Variants in SDE2 observed in about 807,000 individuals in gnomAD.
SDE2 encodes the protein splicing regulator SDE2.
In SDE2, 31 loss-of-function variants were observed where a neutral mutation model predicts 46.9. The ratio of observed to expected loss-of-function variants is 0.66; its 90% confidence interval spans 0.50 to 0.89. The LOEUF (loss-of-function observed/expected upper bound fraction) is 0.89. Among genes scored for constraint, SDE2 ranks in the 40% least tolerant of loss-of-function variants. The pLI, the probability that SDE2 is intolerant of heterozygous loss-of-function variation, is 0.00. For missense variants in SDE2, 542 were observed against 564.4 expected, an observed-to-expected ratio of 0.96 and a Z score of 0.40; for synonymous variants, 205 against 204.3, an observed-to-expected ratio of 1.00 and a Z score of -0.03.
rs1240712517 is a variant in SDE2, at chr1:225,988,122, T to C, written c.908A>G (p.Glu303Gly). 5.0e-6 allele frequency: 8 copies of C among 1,614,146 alleles called. No homozygotes were observed. Among genetic ancestry groups the C allele is most frequent in the Non-Finnish European group, 6.8e-6 (8 of 1,180,016 alleles). Reference sequence around the variant, plus strand: ...CCTGCTTTCCATGTGCTCTTTGGACTCCCCCAGCTCAGCACATGAGTCTTC... The same window carrying C: ...CCTGCTTTCCATGTGCTCTTTGGACCCCCCCAGCTCAGCACATGAGTCTTC... ...ILEDSCAELGESKEHMESRMV... is the reference protein window; with the variant it reads ...ILEDSCAELGGSKEHMESRMV... The change falls in exon 6 of 7, where the codon GAG (glutamate) becomes GGG (glycine). Residue 303 changes from glutamate (E) to glycine (G), a missense_variant. By Grantham distance (98) the Glu-to-Gly change is moderately conservative (BLOSUM62 -2). Around this residue, in one of 3 missense-constraint regions of SDE2, gnomAD observed 401 missense variants for 437.8 expected, o/e 0.92. Coordinates refer to ENST00000272091, the MANE Select transcript of SDE2 (RefSeq NM_152608.4).
intron 1 of SDE2, among the ~76,000 whole-genome samples, chr1:225,996,565 C>T (rs1656531779): frequency 6.6e-6 from 1 of 152,130 alleles, no homozygotes; most frequent in African/African-American, 2.4e-5. Flanking sequence ...CTGCTTTTAA[C>T]CATTTGTGCA....
chr1:225,992,602 G>A, intron 3 of SDE2, 35 bp from the exon 4 acceptor site: 4 of 1,351,232 alleles, frequency 3.0e-6, no homozygotes, highest in Non-Finnish European at 4.2e-6. Context: ...TAACTGAATA[G>A]ATATATTACA....
Position 225,984,619 on chromosome 1 carries a change from G to GCTA in SDE2, c.*680_*682dup, listed in dbSNP as rs1436508708. The GCTA allele has an allele frequency of 6.6e-6, 1 of 152,182 alleles. No homozygotes were observed. The highest frequency in any genetic ancestry group is 1.5e-5 in the Non-Finnish European group (1 of 68,098). 9.4% of individuals were successfully genotyped at this position (152,182 alleles called of 1,614,324 possible). On this transcript the variant is annotated 3_prime_UTR_variant, in exon 7 of 7. Transcript: ENST00000272091. ...AGGTAAAGAGATCGAGACCATCCTG[G>GCTA]CTAACACAGTGAAACCCAGTCTCCA...
intron 2 of SDE2, among the ~76,000 whole-genome samples, chr1:225,994,895 T>C (rs1656487813): frequency 6.6e-6 from 1 of 152,014 alleles, no homozygotes; most frequent in South Asian, 2.1e-4. Flanking sequence ...AATACAAAAA[T>C]TAGCTGCGCA....
At chr1:225,991,812 C>T (rs1036844118) in intron 4 of SDE2, among the ~76,000 whole-genome samples, 7 of 152,230 alleles carry the variant, frequency 4.6e-5, no homozygotes, top group African/African-American at 1.7e-4. Flanking sequence ...AAACTGGCAG[C>T]AAATTCTTTG....
At chr1:225,989,900 C>G (rs746661782) in intron 5 of SDE2, among the ~76,000 whole-genome samples, 4 of 151,734 alleles carry the variant, frequency 2.6e-5, no homozygotes, top group Non-Finnish European at 4.4e-5. Flanking sequence ...ATGGCAAAAC[C>G]CTGTCTTCAC....
intron 5 of SDE2, among the ~76,000 whole-genome samples, chr1:225,990,425 T>C (rs888135820): frequency 1.3e-5 from 2 of 152,160 alleles, no homozygotes; most frequent in African/African-American, 4.8e-5. Flanking sequence ...GTGGGAACTA[T>C]TTCAGGTCAT....
intron 6 of SDE2, 100 bp from the exon 7 acceptor site, chr1:225,985,623 T>A (rs1034041272): frequency 7.0e-6 from 5 of 718,412 alleles, no homozygotes; most frequent in African/African-American, 1.8e-5. Flanking sequence ...TTCATTTAAT[T>A]TGCCATACCT....
Position 225,988,005 on chromosome 1 carries a change from T to C in SDE2, c.1025A>G (p.Asp342Gly), listed in dbSNP as rs1359176610. Residue 342 changes from aspartate to glycine, a missense_variant, in exon 6 of 7, where the codon GAT becomes GGT. This residue lies in a region of SDE2 where 401 missense variants were observed against 437.8 expected (regional missense o/e 0.92). Transcript: ENST00000272091. ...EEPTGAGLNK[D>G]KETEERTDGE... The stretch of plus-strand genomic sequence containing the variant: ...ATCAGTCCTTTCTTCTGTCTCTTTA[T>C]CCTTATTCAGTCCAGCCCCAGTGGG... 1.2e-6 allele frequency: 2 copies of C among 1,614,244 alleles called. No homozygotes were observed. Among genetic ancestry groups the C allele is most frequent in the South Asian group, 1.1e-5 (1 of 91,088 alleles).
Position 225,988,039 on chromosome 1 carries a change from C to T in SDE2, c.991G>A (p.Glu331Lys). ...AGTCCAGCCCCAGTGGGCTCCTCTT[C>T]TATGGGTTCTTTACTCTCTGCCTTC... ...EKKAESKEPI[E>K]EEPTGAGLNK... Residue 331 changes from glutamate (E) to lysine (K), a missense_variant, in exon 6 of 7, where the codon GAA becomes AAA. Glu to Lys is a moderately conservative substitution (Grantham distance 56, BLOSUM62 1). Around this residue, in one of 3 missense-constraint regions of SDE2, gnomAD observed 401 missense variants for 437.8 expected, o/e 0.92. Coordinates refer to ENST00000272091, the MANE Select transcript of SDE2 (RefSeq NM_152608.4). The T allele has an allele frequency of 6.2e-7, 1 of 1,614,230 alleles. No individual in the cohort carries two copies. The highest frequency in any genetic ancestry group is 8.5e-7 in the Non-Finnish European group (1 of 1,180,038).
In SDE2 at chr1:225,992,970, G is replaced by A; in HGVS notation, c.271C>T (p.Gln91Ter). 5 of 1,612,098 alleles carry A rather than the reference G, an allele frequency of 3.1e-6. No homozygotes were observed. Among genetic ancestry groups the A allele is most frequent in the Non-Finnish European group, 3.4e-6 (4 of 1,178,282 alleles). The change falls in exon 3 of 7, where the codon CAG becomes TAG. Residue 91 changes from glutamine to a stop codon, truncating the protein, a stop_gained. Transcript: ENST00000272091. LOFTEE classifies it high-confidence loss of function. ...FGSMLRALGA[Q>*]IEKTTNREAC... ...TCTCGATTGGTTGTCTTCTCAATCT[G>A]AGCACCAAGTGCTCGGAGCATAGAT...
At chr1:225,991,210 A>C in intron 5 of SDE2, 33 bp downstream of exon 5, 1 of 1,604,206 alleles carries the variant, frequency 6.2e-7, no homozygotes, top group Non-Finnish European at 8.5e-7. Context: ...TCAGTCCTCA[A>C]AGATCAATTG....
chr1:225,985,205 G>C lies in SDE2; in HGVS notation c.*97C>G, dbSNP rs971605313. ...TTAGAATTGGGTTACTAAAAAGTTA[G>C]CTTTTAATATCAACAGGAATACTGG... On this transcript the variant is annotated 3_prime_UTR_variant, in exon 7 of 7. Coordinates refer to ENST00000272091, the MANE Select transcript of SDE2 (RefSeq NM_152608.4). 1.1e-6 allele frequency: 1 copy of C among 921,120 alleles called. No individual in the cohort carries two copies. The highest frequency in any genetic ancestry group is 1.7e-6 in the Non-Finnish European group (1 of 583,466). 57.1% of individuals were successfully genotyped at this position (921,120 alleles called of 1,614,324 possible).
intron 1 of SDE2, among the ~76,000 whole-genome samples, chr1:225,998,317 C>T (rs968249260): frequency 1.3e-5 from 2 of 152,162 alleles, no homozygotes; most frequent in African/African-American, 4.8e-5. Context: ...TGCTTCTTCA[C>T]GGAATCGATC....
chr1:225,988,259 C>T lies in SDE2; in HGVS notation c.771G>A (p.Glu257=), dbSNP rs548950762. The part of the protein sequence containing the change: ...HAPKIGSNGV[E]MAAKFPSGSQ... ...AACCACTGGGAAATTTGGCTGCCAT[C>T]TCGACACCATTGCTACCAATTTTTG... The change falls in exon 6 of 7, where the codon GAG becomes GAA. Residue 257 remains glutamate (E), a synonymous_variant. Transcript: ENST00000272091. 2 of 1,614,208 alleles carry T rather than the reference C, an allele frequency of 1.2e-6. No individual in the cohort carries two copies. The highest frequency in any genetic ancestry group is 2.7e-5 in the African/African-American group (2 of 75,048).
intron 5 of SDE2, among the ~76,000 whole-genome samples, chr1:225,990,054 AAC>A (rs1656363672): frequency 6.6e-6 from 1 of 151,734 alleles, no homozygotes; most frequent in Non-Finnish European, 1.5e-5. Context: ...CAACCTCAGC[AAC>A]AGAGTGAGGA....
intron 1 of SDE2, among the ~76,000 whole-genome samples, chr1:225,998,090 T>G (rs1656572009): frequency 6.6e-6 from 1 of 151,054 alleles, no homozygotes; most frequent in African/African-American, 2.4e-5. Flanking sequence ...ATCACGCCAT[T>G]GCACTCCAGC....
At chr1:225,992,179 T>TG (rs754731724) in intron 4 of SDE2, among the ~76,000 whole-genome samples, 9 of 151,924 alleles carry the variant, frequency 5.9e-5, no homozygotes, top group South Asian at 2.1e-4. Flanking sequence ...GACTCCGTTT[T>TG]GGGGGGAAAA....
At chr1:225,997,596 A>G (rs1424527468) in intron 1 of SDE2, among the ~76,000 whole-genome samples, 4 of 151,808 alleles carry the variant, frequency 2.6e-5, no homozygotes, top group Non-Finnish European at 1.5e-5. Flanking sequence ...CGCCTGGCTA[A>G]TTTTTGTGTA....
Sources: gnomAD v4.1 joint callset for allele counts (sites outside exome capture counted in the v4.1 genomes callset) on GRCh38, gnomAD v4.1.1 for gene constraint, gnomAD v4.1.1 regional missense constraint, MANE v1.5 for transcripts, NCBI Gene and HGNC (gene_info 2026-07-23, HGNC 2026-07-21) for gene names.